The following POU6F2 variants were observed in gnomAD, a reference collection of about 807,000 sequenced individuals.
POU6F2 encodes the protein POU class 6 homeobox 2.
A neutral mutation model predicts 71.3 loss-of-function variants in POU6F2; 31 were observed. The observed-to-expected ratio is 0.43, with a 90% confidence interval of 0.33 to 0.59. The LOEUF (loss-of-function observed/expected upper bound fraction) is 0.59. POU6F2 is among the 20% of genes least tolerant of loss of function. The pLI, the probability that POU6F2 is intolerant of heterozygous loss-of-function variation, is 0.04. For synonymous variants in POU6F2, 347 were observed against 355.7 expected (o/e 0.98, Z 0.27); for missense variants, 783 against 856.8 (o/e 0.91, Z 1.07).
At chr7:39,349,222 G>A (rs1054443988) in intron 5 of POU6F2, among the ~76,000 whole-genome samples, 2 of 152,222 alleles carry the variant, frequency 1.3e-5, no homozygotes, top group African/African-American at 4.8e-5. Flanking sequence ...ATAATTGACA[G>A]TGAGGAAAAT....
chr7:39,085,749 AGT>A, intron 1 of POU6F2, 109 bp from the exon 2 acceptor site: 1 of 1,064,686 alleles, frequency 9.4e-7, no homozygotes, highest in Non-Finnish European at 1.4e-6. Context: ...AGAGAGGGAG[AGT>A]GTGTGTGGAA....
At chr7:39,371,182 G>T (rs115715895) in intron 5 of POU6F2, among the ~76,000 whole-genome samples, 6,789 of 143,332 alleles carry the variant, frequency 0.047, 201 homozygotes, top group African/African-American at 0.083. Context: ...TCGGAGAATG[G>T]TTTTTTTTTT....
chr7:39,063,307 G>A (rs995922406), intron 1 of POU6F2, among the ~76,000 whole-genome samples: 2 of 152,152 alleles, frequency 1.3e-5, no homozygotes. Flanking sequence ...CTGAGAGTTC[G>A]AGATCAGCTT....
intron 4 of POU6F2, among the ~76,000 whole-genome samples, chr7:39,276,711 A>G (rs1238989151): frequency 6.6e-6 from 1 of 152,080 alleles, no homozygotes; most frequent in Non-Finnish European, 1.5e-5. Context: ...ACCATGGAAT[A>G]CTATGCATCC....
At chr7:39,137,913 A>G (rs1052790021) in intron 2 of POU6F2, among the ~76,000 whole-genome samples, 6 of 152,206 alleles carry the variant, frequency 3.9e-5, no homozygotes, top group African/African-American at 9.6e-5. Flanking sequence ...AGAGATTCCT[A>G]TAAGCCTACA....
intron 5 of POU6F2, among the ~76,000 whole-genome samples, chr7:39,346,347 C>T (rs184267880): frequency 1.3e-5 from 2 of 152,326 alleles, no homozygotes; most frequent in East Asian, 1.9e-4. Flanking sequence ...CATGTTCACA[C>T]CACTGGCTAT....
At chr7:39,073,373 T>C (rs1243105646) in intron 1 of POU6F2, among the ~76,000 whole-genome samples, 3 of 82,488 alleles carry the variant, frequency 3.6e-5, no homozygotes, top group Non-Finnish European at 6.8e-5. Context: ...GGGGAGAACC[T>C]ATTAAAAAAA....
intron 1 of POU6F2, among the ~76,000 whole-genome samples, chr7:39,039,873 T>C (rs2140910): frequency 0.92 from 136,858 of 149,032 alleles, 62,993 homozygotes; most frequent in East Asian, 1. Context: ...CAACTTGGTG[T>C]GATATCGGAT....
intron 4 of POU6F2, among the ~76,000 whole-genome samples, chr7:39,331,713 G>A (rs1462349621): frequency 2.6e-5 from 4 of 152,160 alleles, no homozygotes; most frequent in South Asian, 2.1e-4. Flanking sequence ...GTTTCACCAC[G>A]TTGGCCAGGC....
At chr7:39,128,742 C>G (rs576649471) in intron 2 of POU6F2, among the ~76,000 whole-genome samples, 1 of 152,142 alleles carries the variant, frequency 6.6e-6, no homozygotes, top group South Asian at 2.1e-4. Context: ...GATCTATGAT[C>G]GCCATGTGTT....
chr7:39,177,761 C>T (rs1436709528), intron 2 of POU6F2, among the ~76,000 whole-genome samples: 1 of 152,098 alleles, frequency 6.6e-6, no homozygotes. Flanking sequence ...GGAGGTGTCT[C>T]ATAATCAGTT....
intron 6 of POU6F2, among the ~76,000 whole-genome samples, chr7:39,409,547 T>G (rs1787508683): frequency 6.6e-6 from 1 of 152,190 alleles, no homozygotes; most frequent in South Asian, 2.1e-4. Flanking sequence ...TAAGCCATAG[T>G]TTCATTCTTA....
chr7:39,134,859 A>G, intron 2 of POU6F2, among the ~76,000 whole-genome samples: 1 of 152,238 alleles, frequency 6.6e-6, no homozygotes, highest in East Asian at 1.9e-4. Context: ...CAAGTGCATT[A>G]AACTACCAAC....
At chr7:39,193,973 T>C (rs557130012) in intron 2 of POU6F2, among the ~76,000 whole-genome samples, 1 of 152,350 alleles carries the variant, frequency 6.6e-6, no homozygotes, top group Non-Finnish European at 1.5e-5. Flanking sequence ...CATTAGTGTA[T>C]GACCTGGCAC....
intron 5 of POU6F2, among the ~76,000 whole-genome samples, chr7:39,386,760 C>T (rs10258232): frequency 0.35 from 52,525 of 152,116 alleles, 9,492 homozygotes; most frequent in East Asian, 0.62. Flanking sequence ...AGCAGTGGCA[C>T]ACAATTATTA....
chr7:39,394,012 GA>G (rs1787127087), intron 5 of POU6F2, among the ~76,000 whole-genome samples: 1 of 152,162 alleles, frequency 6.6e-6, no homozygotes, highest in Non-Finnish European at 1.5e-5. Context: ...CAATATTCTG[GA>G]GTAAAATACA....
intron 2 of POU6F2, chr7:39,120,871 A>T (rs1386490526): frequency 6.6e-6 from 1 of 152,198 alleles, no homozygotes; most frequent in African/African-American, 2.4e-5. Context: ...GAGTGCCAGG[A>T]CTGGTGAGAA....
intron 1 of POU6F2, among the ~76,000 whole-genome samples, chr7:39,068,276 A>C (rs992898048): frequency 2.6e-5 from 4 of 152,156 alleles, no homozygotes; most frequent in Admixed American, 2.0e-4. Context: ...CTCACTGTAC[A>C]TCAGTGCCCT....
intron 6 of POU6F2, among the ~76,000 whole-genome samples, chr7:39,431,925 C>T (rs1001801973): frequency 6.6e-6 from 1 of 152,174 alleles, no homozygotes; most frequent in Non-Finnish European, 1.5e-5. Context: ...TGAAGGCAAC[C>T]GGAAAGCAGA....
Sources: allele counts gnomAD v4.1 joint callset (sites outside exome capture counted in the v4.1 genomes callset), GRCh38; gene constraint gnomAD v4.1.1; transcripts MANE v1.5; gene names NCBI Gene and HGNC (gene_info 2026-07-23, HGNC 2026-07-21).